RASSF3: variants seen among roughly 807,000 people sequenced by gnomAD.
The protein encoded by RASSF3 is ras association domain-containing protein 3.
A neutral mutation model predicts 19.9 loss-of-function variants in RASSF3; 19 were observed. The ratio of observed to expected loss-of-function variants is 0.96; its 90% CI spans 0.67 to 1.40. RASSF3 has a LOEUF of 1.40. Ranked by LOEUF, RASSF3 falls within the 40% of genes most tolerant of loss-of-function variation. The pLI is 0.00. For missense variants in RASSF3, 306 were observed against 289.8 expected (o/e 1.06, Z -0.41); for synonymous variants, 110 against 104.2 (o/e 1.06, Z -0.34).
At chr12:64,636,528 C>G (rs1871335029) in intron 1 of RASSF3, among the ~76,000 whole-genome samples, 1 of 152,110 alleles carries the variant, frequency 6.6e-6, no homozygotes, top group Non-Finnish European at 1.5e-5. Flanking sequence ...TGCTTGTTTT[C>G]CTCTCAGATC....
chr12:64,676,657 G>C (rs940913120), intron 1 of RASSF3, among the ~76,000 whole-genome samples: 1 of 151,740 alleles, frequency 6.6e-6, no homozygotes, highest in Non-Finnish European at 1.5e-5. Context: ...TTTCAATAGA[G>C]ATGGGGTTTC....
intron 2 of RASSF3, among the ~76,000 whole-genome samples, chr12:64,566,498 CCTGAAAAG>C (rs1869433293): frequency 6.6e-6 from 1 of 152,076 alleles, no homozygotes; most frequent in African/African-American, 2.4e-5. Flanking sequence ...GACCTGGATG[CCTGAAAAG>C]GTCCTGAAAG....
chr12:64,624,233 T>G (rs138083982), intron 1 of RASSF3, among the ~76,000 whole-genome samples: 1 of 152,058 alleles, frequency 6.6e-6, no homozygotes, highest in Non-Finnish European at 1.5e-5. Context: ...GTTACAGTTT[T>G]AAAATTAACA....
intron 1 of RASSF3, among the ~76,000 whole-genome samples, chr12:64,516,286 A>C (rs1868364229): frequency 6.6e-6 from 1 of 152,224 alleles, no homozygotes; most frequent in Non-Finnish European, 1.5e-5. Flanking sequence ...TAAGATGCAA[A>C]AACCCAGTGG....
chr12:64,682,176 G>A (rs549238063), intron 1 of RASSF3, among the ~76,000 whole-genome samples: 2 of 152,210 alleles, frequency 1.3e-5, no homozygotes, highest in South Asian at 4.1e-4. Flanking sequence ...CTGAAGCTAG[G>A]GAATGAACAC....
chr12:64,684,984 A>C (rs1873293688), intron 2 of RASSF3, 90 bp downstream of exon 2: 1 of 772,126 alleles, frequency 1.3e-6, no homozygotes, highest in African/African-American at 1.7e-5. Flanking sequence ...AAATATCTGA[A>C]TAGCATTTGT....
At chr12:64,551,596 A>C (rs1458502106) in intron 2 of RASSF3, among the ~76,000 whole-genome samples, 1 of 152,196 alleles carries the variant, frequency 6.6e-6, no homozygotes. Context: ...TGCATGTAGT[A>C]AATGTAATCA....
In RASSF3 at chr12:64,696,735, A is replaced by T. The variant is rs1027091229; in HGVS notation, c.*1823A>T. The T allele has an allele frequency of 6.6e-6, 1 of 152,178 alleles. No homozygotes were observed. The highest frequency in any genetic ancestry group is 1.5e-5 in the Non-Finnish European group (1 of 68,030). 9.4% of individuals were successfully genotyped at this position (152,178 alleles called of 1,614,324 possible). The stretch of plus-strand genomic sequence containing the variant: ...CTGAGACAATCATATCTTCCTAAGC[A>T]TTTAAGGAAAGTTGAAAAAAATAGA... On this transcript the variant is annotated 3_prime_UTR_variant, in exon 5 of 5. Transcript: ENST00000542104.
intron 1 of RASSF3, among the ~76,000 whole-genome samples, chr12:64,615,543 G>T (rs908520925): frequency 6.6e-6 from 1 of 152,102 alleles, no homozygotes. Flanking sequence ...ATTTGGTTGT[G>T]TCTTATTGCT....
chr12:64,576,754 G>A (rs982581500), intron 2 of RASSF3, among the ~76,000 whole-genome samples: 2 of 151,800 alleles, frequency 1.3e-5, no homozygotes, highest in Non-Finnish European at 2.9e-5. Context: ...AGGAGGCTGA[G>A]GTGGGATGGG....
chr12:64,614,394 C>T (rs1411388759), intron 1 of RASSF3, among the ~76,000 whole-genome samples: 1 of 152,072 alleles, frequency 6.6e-6, no homozygotes, highest in Non-Finnish European at 1.5e-5. Context: ...TCCCAAAGTG[C>T]TGGGATTACA....
intron 2 of RASSF3, among the ~76,000 whole-genome samples, chr12:64,559,162 T>C (rs547007358): frequency 1.3e-5 from 2 of 152,204 alleles, no homozygotes; most frequent in East Asian, 3.9e-4. Context: ...TTAGTGATAC[T>C]GGTGCCCCTC....
rs60003798 is a variant in RASSF3, at chr12:64,648,802, A to ATTTTTTTTTTTTT, written c.112-35977_112-35965dup. The stretch of plus-strand genomic sequence containing the variant: ...GGCCAAGCTTCTTGTTTTTACATTG[A>ATTTTTTTTTTTTT]TTTTTTTTTTTTTTTTTTTTAGAGA... On this transcript the variant is annotated intron_variant, in intron 1 of 4. Coordinates refer to ENST00000542104, the MANE Select transcript of RASSF3 (RefSeq NM_178169.4). 7.1e-4 allele frequency among the ~76,000 whole-genome samples: 75 copies of ATTTTTTTTTTTTT among 104,988 alleles called. 1 individual carries two copies. Among genetic ancestry groups the ATTTTTTTTTTTTT allele is most frequent in the African/African-American group, 2.7e-3 (70 of 25,666 alleles). 68.9% of individuals were successfully genotyped at this position (104,988 alleles called of 152,430 possible). A position where few individuals can be genotyped will look rare whatever the true frequency, so the allele number is the denominator to read the frequency against.
chr12:64,514,891 C>T (rs188210927), intron 1 of RASSF3, among the ~76,000 whole-genome samples: 154 of 152,260 alleles, frequency 1.0e-3, no homozygotes, highest in African/African-American at 3.4e-3. Flanking sequence ...TGAACTTTCT[C>T]TGTCCAAACT....
chr12:64,604,821 T>C (rs552892730), intron 2 of RASSF3, among the ~76,000 whole-genome samples: 490 of 151,420 alleles, frequency 3.2e-3, no homozygotes, highest in African/African-American at 0.012. Context: ...GTATTTTTAG[T>C]ACAGACGGGG....
intron 2 of RASSF3, among the ~76,000 whole-genome samples, chr12:64,562,023 T>TTATTTATTTTTG (rs141301351): frequency 0.35 from 48,409 of 137,872 alleles, 10,828 homozygotes; most frequent in Non-Finnish European, 0.49. Context: ...ATTTATTTAT[T>TTATTTATTTTTG]TTTGTTTGTT....
intron 1 of RASSF3, among the ~76,000 whole-genome samples, chr12:64,682,261 A>G (rs531664461): frequency 6.6e-6 from 1 of 152,216 alleles, no homozygotes; most frequent in African/African-American, 2.4e-5. Context: ...TGGTGCTGAC[A>G]TTGAAAAGTC....
intron 1 of RASSF3, among the ~76,000 whole-genome samples, chr12:64,672,343 A>G (rs1872727638): frequency 6.6e-6 from 1 of 152,000 alleles, no homozygotes; most frequent in Non-Finnish European, 1.5e-5. Context: ...CTCCTGCCTC[A>G]GCCTCCTGTG....
At chr12:64,570,457 C>A (rs1869500106) in intron 2 of RASSF3, among the ~76,000 whole-genome samples, 1 of 152,158 alleles carries the variant, frequency 6.6e-6, no homozygotes, top group Non-Finnish European at 1.5e-5. Flanking sequence ...CACTTGACCT[C>A]ATTTCTGATT....
Sources: gnomAD v4.1 joint callset for allele counts (sites outside exome capture counted in the v4.1 genomes callset) on GRCh38, gnomAD v4.1.1 for gene constraint, MANE v1.5 for transcripts, NCBI Gene and HGNC (gene_info 2026-07-23, HGNC 2026-07-21) for gene names.